AXDND1: variants seen among roughly 807,000 people sequenced by gnomAD.
AXDND1 encodes the protein axonemal dynein light chain domain-containing protein 1.
In AXDND1, 110 loss-of-function variants were observed where a neutral mutation model predicts 137.5. The observed-to-expected ratio is 0.80, with a 90% CI of 0.69 to 0.94. The LOEUF (loss-of-function observed/expected upper bound fraction) is 0.94, where lower values mean the gene tolerates loss of function less well. AXDND1 is among the 40% of genes least tolerant of loss of function. The pLI is 0.00. For missense variants in AXDND1, 1,191 were observed against 1,169.8 expected, an observed-to-expected ratio of 1.02 and a Z score of -0.26; for synonymous variants, 414 against 399.7, an observed-to-expected ratio of 1.04 and a Z score of -0.43.
Position 179,368,990 on chromosome 1 carries a change from T to C in AXDND1, c.270+18T>C. ...CCCCAAAGGTTTGTATGTACATATG[T>C]AGAGTAATGGGGAACATTATTTTTT... On this transcript the variant is annotated intron_variant, in intron 3 of 25. Transcript: ENST00000367618. The C allele has an allele frequency of 1.9e-6, 3 of 1,574,960 alleles. No individual in the cohort carries two copies. The highest frequency in any genetic ancestry group is 2.6e-6 in the Non-Finnish European group (3 of 1,152,608).
At chr1:179,517,322 CT>C (rs1429571224) in intron 21 of AXDND1, among the ~76,000 whole-genome samples, 3 of 152,220 alleles carry the variant, frequency 2.0e-5, no homozygotes, top group Non-Finnish European at 4.4e-5. Flanking sequence ...AGCCTTAAGG[CT>C]GTTTCCAGGC....
intron 1 of AXDND1, 39 bp from the exon 2 acceptor site, chr1:179,366,359 GTCATCT>G (rs1310611905): frequency 5.2e-6 from 3 of 581,904 alleles, no homozygotes; most frequent in Middle Eastern, 4.1e-4. Context: ...CTCAATAGTT[GTCATCT>G]TTTTTTTTTT....
intron 25 of AXDND1, among the ~76,000 whole-genome samples, chr1:179,537,544 G>A (rs1194763754): frequency 3.3e-5 from 5 of 152,258 alleles, no homozygotes; most frequent in South Asian, 2.1e-4. Flanking sequence ...GGATGAAGCC[G>A]ACTTGATTGT....
chr1:179,514,357 C>T (rs191377298), intron 21 of AXDND1, among the ~76,000 whole-genome samples: 4 of 152,126 alleles, frequency 2.6e-5, no homozygotes, highest in East Asian at 1.9e-4. Flanking sequence ...GGTTATTTAA[C>T]GTCCATGTAT....
At chr1:179,422,083 G>A (rs1571762451) in intron 12 of AXDND1, among the ~76,000 whole-genome samples, 1 of 149,082 alleles carries the variant, frequency 6.7e-6, no homozygotes. Context: ...TCCTTTCATT[G>A]ATTCCTTGTA....
chr1:179,481,005 T>TTC (rs1665303983), intron 17 of AXDND1, among the ~76,000 whole-genome samples: 1 of 151,672 alleles, frequency 6.6e-6, no homozygotes, highest in Admixed American at 6.6e-5. Flanking sequence ...TAATTATACT[T>TTC]TAAGTTCTAG....
intron 18 of AXDND1, among the ~76,000 whole-genome samples, chr1:179,488,634 CCTTTCTTTCTTTCTTTCTT>C (rs754279631): frequency 0.016 from 1,675 of 105,244 alleles, 150 homozygotes; most frequent in Middle Eastern, 0.065. Context: ...CTCTCTCTCT[CCTTTCTTTCTTTCTTTCTT>C]TCTTTCTTTC....
intron 23 of AXDND1, among the ~76,000 whole-genome samples, chr1:179,531,249 A>G (rs1671012709): frequency 6.6e-6 from 1 of 152,102 alleles, no homozygotes; most frequent in Non-Finnish European, 1.5e-5. Context: ...GACATCTCAA[A>G]ATACCAACCT....
In AXDND1 at chr1:179,534,935, G is replaced by T. The variant is rs144482791; in HGVS notation, c.3004G>T (p.Glu1002Ter). The T allele has an allele frequency of 2.8e-3, 4,442 of 1,606,602 alleles. 215 individuals are homozygous for T. In the Admixed American group the frequency reaches 0.073, roughly 26 times the overall value. ...QQEEEEVRSA[E>*]NSSKSPKKGH Reference sequence around the variant, plus strand: ...AGAAGAAGAAGAAGTCAGGTCAGCAGAAAATTCCTCAAAATCTCCAAAGAA... The same window carrying T: ...AGAAGAAGAAGAAGTCAGGTCAGCATAAAATTCCTCAAAATCTCCAAAGAA... The change falls in exon 25 of 26, where the codon GAA becomes TAA. Residue 1002 changes from glutamate to a stop codon, truncating the protein, a stop_gained. Coordinates refer to ENST00000367618, the MANE Select transcript of AXDND1 (RefSeq NM_144696.6). LOFTEE classifies it high-confidence loss of function.
intron 12 of AXDND1, among the ~76,000 whole-genome samples, chr1:179,424,297 G>C (rs1226521908): frequency 6.6e-6 from 1 of 151,794 alleles, no homozygotes; most frequent in African/African-American, 2.4e-5. Flanking sequence ...TCATCTTTTT[G>C]TTCTTGGCCT....
At chr1:179,548,641 G>A (rs1672864870) in intron 25 of AXDND1, 3 of 152,172 alleles carry the variant, frequency 2.0e-5, no homozygotes, top group South Asian at 2.1e-4. Context: ...AAAGAACATT[G>A]TAGTGGCCAG....
intron 17 of AXDND1, among the ~76,000 whole-genome samples, chr1:179,479,166 T>C (rs1474066985): frequency 6.6e-6 from 1 of 151,944 alleles, no homozygotes; most frequent in Non-Finnish European, 1.5e-5. Flanking sequence ...ACCCCTTGAA[T>C]GCTGTGATTC....
Position 179,527,301 on chromosome 1 carries a change from G to A in AXDND1, c.2611-1026G>A, listed in dbSNP as rs562850771. ...AGAGGTCACTCTTGTGGCCATTGTG[G>A]TTTTGGTGGGTTTTGACCGGCTTCT... On this transcript the variant is annotated intron_variant, in intron 22 of 25. Transcript: ENST00000367618. Among the ~76,000 whole-genome samples, 7 of 152,282 alleles carry A rather than the reference G, an allele frequency of 4.6e-5. No homozygotes were observed. The South Asian group carries it at 1.5e-3, about 32-fold the overall frequency.
intron 23 of AXDND1, among the ~76,000 whole-genome samples, chr1:179,531,021 G>A (rs1670991640): frequency 6.6e-6 from 1 of 152,190 alleles, no homozygotes; most frequent in Admixed American, 6.5e-5. Flanking sequence ...TCAAAGGTTA[G>A]GCTTTTTCCA....
At position 179,393,950 on chromosome 1, in the gene AXDND1, A is replaced by G. The variant is rs1650605862; in HGVS notation, c.911A>G (p.Asp304Gly). The G allele has an allele frequency of 1.3e-5, 21 of 1,612,444 alleles. No individual in the cohort carries two copies. The highest frequency in any genetic ancestry group is 1.8e-5 in the Non-Finnish European group (21 of 1,179,436). ...MLDQIARQMIDFYKDLVTQRV... is the reference protein window; with the variant it reads ...MLDQIARQMIGFYKDLVTQRV... ...GACCAGATTGCTCGGCAGATGATTG[A>G]TTTCTACAAAGACTTGGTAACTCAG... The change falls in exon 10 of 26, where the codon GAT becomes GGT. Residue 304 changes from aspartate to glycine, a missense_variant. By Grantham distance (94) the Asp-to-Gly change is moderately conservative. Transcript: ENST00000367618.
In AXDND1 at chr1:179,411,678, T is replaced by C. The variant is rs1653924810; in HGVS notation, c.1230+412T>C. Among the ~76,000 whole-genome samples the C allele has an allele frequency of 2.0e-5, 3 of 152,318 alleles. No individual in the cohort carries two copies. In the South Asian group the frequency reaches 6.2e-4, roughly 32 times the overall value. ...TATTACACAATTAAGGGTCTTTTTT[T>C]TTTTAAGGGCAGAATCTATGAAATA... is the stretch of plus-strand genomic sequence containing the variant. On this transcript the variant is annotated intron_variant, in intron 12 of 25. Coordinates refer to ENST00000367618, the MANE Select transcript of AXDND1 (RefSeq NM_144696.6).
chr1:179,494,195 G>T (rs754039550), intron 20 of AXDND1, among the ~76,000 whole-genome samples: 1 of 151,956 alleles, frequency 6.6e-6, no homozygotes, highest in African/African-American at 2.4e-5. Flanking sequence ...CAAGTGATCC[G>T]CCCTCCTCAG....
chr1:179,438,156 A>ATAAG (rs1658485794), intron 15 of AXDND1, among the ~76,000 whole-genome samples: 3 of 135,054 alleles, frequency 2.2e-5, no homozygotes, highest in Admixed American at 7.3e-5. Context: ...CATCTCAAAA[A>ATAAG]TAAGTAAATA....
intron 20 of AXDND1, 87 bp from the exon 21 acceptor site, chr1:179,509,209 A>T: frequency 1.3e-6 from 1 of 781,668 alleles, no homozygotes; most frequent in Non-Finnish European, 2.1e-6. Flanking sequence ...AGTTATGTTT[A>T]GAGGAATTGT....
Sources: gnomAD v4.1 joint callset for allele counts (sites outside exome capture counted in the v4.1 genomes callset) on GRCh38, gnomAD v4.1.1 for gene constraint, MANE v1.5 for transcripts, NCBI Gene and HGNC (gene_info 2026-07-23, HGNC 2026-07-21) for gene names.